The following TLK1 variants were observed in gnomAD, a reference collection of about 807,000 sequenced individuals.
The protein encoded by TLK1 is tousled like kinase 1, also known as serine/threonine-protein kinase tousled-like 1.
A neutral mutation model predicts 105.3 loss-of-function variants in TLK1; 24 were observed. That is an observed-to-expected ratio of 0.23 (90% CI 0.17 to 0.32). The LOEUF (loss-of-function observed/expected upper bound fraction) is 0.32, where lower values mean the gene tolerates loss of function less well. Ranked by LOEUF, TLK1 falls within the 10% of genes least tolerant of loss-of-function variation. The pLI, the probability that TLK1 is intolerant of heterozygous loss-of-function variation, is 1.00. For synonymous variants in TLK1, 321 were observed against 310.4 expected, an observed-to-expected ratio of 1.03 and a Z score of -0.36; for missense variants, 558 against 910.5, an observed-to-expected ratio of 0.61 and a Z score of 4.98.
At chr2:171,112,613 G>A (rs761305298) in intron 2 of TLK1, among the ~76,000 whole-genome samples, 7 of 152,100 alleles carry the variant, frequency 4.6e-5, no homozygotes, top group Non-Finnish European at 7.4e-5. Flanking sequence ...GAAAAAATAT[G>A]TATTTAAGGT....
At chr2:171,083,392 C>T (rs1020500100) in intron 2 of TLK1, among the ~76,000 whole-genome samples, 2 of 152,082 alleles carry the variant, frequency 1.3e-5, no homozygotes, top group Non-Finnish European at 2.9e-5. Flanking sequence ...AATTGCTTTG[C>T]TCAAGAATTT....
chr2:171,046,437 A>G, intron 10 of TLK1, 75 bp from the exon 11 acceptor site: 4 of 1,430,340 alleles, frequency 2.8e-6, no homozygotes, highest in Non-Finnish European at 3.7e-6. Context: ...AAAAATGCAT[A>G]AAAAACATGA....
intron 4 of TLK1, 113 bp downstream of exon 4, chr2:171,060,968 A>T: frequency 9.4e-7 from 1 of 1,064,176 alleles, no homozygotes; most frequent in Non-Finnish European, 1.4e-6. Context: ...CTGTGCACAC[A>T]CCAAAATTTA....
chr2:171,219,299 C>T (rs1395379561), intron 1 of TLK1, among the ~76,000 whole-genome samples: 1 of 152,180 alleles, frequency 6.6e-6, no homozygotes, highest in Non-Finnish European at 1.5e-5. Flanking sequence ...CATTCCTTGG[C>T]TTGTGGCTGC....
chr2:171,228,906 T>G (rs1462575186), intron 1 of TLK1, among the ~76,000 whole-genome samples: 3 of 152,232 alleles, frequency 2.0e-5, no homozygotes, highest in Non-Finnish European at 4.4e-5. Flanking sequence ...TACTCAACTC[T>G]GCCAATTGGC....
chr2:171,218,265 AAAC>A lies in TLK1; in HGVS notation c.-6+12877_-6+12879del, dbSNP rs534220880. Among the ~76,000 whole-genome samples the A allele has an allele frequency of 1.8e-3, 270 of 152,072 alleles. 2 individuals carry two copies. The highest frequency in any genetic ancestry group is 3.7e-3 in the African/African-American group (154 of 41,440). On this transcript the variant is annotated intron_variant, in intron 1 of 20. Coordinates refer to the TLK1 transcript ENST00000521943. ...AGACTCCATCGCATAACAAACAAAC[AAAC>A]AACAACAACAACAACAAATAACAAC...
intron 1 of TLK1, among the ~76,000 whole-genome samples, chr2:171,130,161 T>C (rs553286686): frequency 1.2e-4 from 19 of 152,256 alleles, no homozygotes; most frequent in African/African-American, 4.6e-4. Flanking sequence ...CCCAGCACTT[T>C]GGGAGGCTGA....
intron 3 of TLK1, among the ~76,000 whole-genome samples, chr2:171,077,050 CT>C (rs977334838): frequency 2.0e-5 from 3 of 152,162 alleles, no homozygotes; most frequent in Non-Finnish European, 4.4e-5. Flanking sequence ...TTCAGGTATT[CT>C]AAAAAATTTA....
intron 14 of TLK1, among the ~76,000 whole-genome samples, chr2:171,009,005 TCTACCTTATGGTAAGC>T (rs1258924022): frequency 1.3e-5 from 2 of 152,222 alleles, no homozygotes; most frequent in East Asian, 3.8e-4. Flanking sequence ...GATAATCTTT[TCTACCTTATGGTAAGC>T]CTACTTCACC....
At chr2:171,060,949 A>G (rs1326924404) in intron 4 of TLK1, 132 bp downstream of exon 4, 2 of 784,598 alleles carry the variant, frequency 2.5e-6, no homozygotes, top group East Asian at 5.5e-5. Context: ...ATCATTATAC[A>G]CTAACTACCT....
At chr2:171,169,627 C>A (rs923721053) in intron 1 of TLK1, among the ~76,000 whole-genome samples, 2 of 151,970 alleles carry the variant, frequency 1.3e-5, no homozygotes, top group Non-Finnish European at 2.9e-5. Context: ...AAAATAATGG[C>A]AGATTTTTGT....
intron 1 of TLK1, among the ~76,000 whole-genome samples, chr2:171,153,152 T>C (rs1233325446): frequency 3.9e-5 from 6 of 152,212 alleles, no homozygotes; most frequent in Admixed American, 2.6e-4. Flanking sequence ...TTTTAGGCAA[T>C]ATATCCTAGT....
chr2:171,004,347 T>C (rs1002758983), intron 18 of TLK1, among the ~76,000 whole-genome samples: 2 of 151,952 alleles, frequency 1.3e-5, no homozygotes, highest in African/African-American at 4.8e-5. Context: ...TTCCAATGTA[T>C]TTATCGGAAA....
chr2:171,229,462 T>A (rs142156698), intron 1 of TLK1, among the ~76,000 whole-genome samples: 1 of 152,338 alleles, frequency 6.6e-6, no homozygotes, highest in Non-Finnish European at 1.5e-5. Context: ...TGCCATTTTG[T>A]GTTTAGTTCT....
At chr2:171,031,129 G>A (rs1686024749) in intron 11 of TLK1, among the ~76,000 whole-genome samples, 1 of 151,918 alleles carries the variant, frequency 6.6e-6, no homozygotes, top group African/African-American at 2.4e-5. Flanking sequence ...CCTGGGTCTT[G>A]TCTTGCCAAT....
intron 3 of TLK1, among the ~76,000 whole-genome samples, chr2:171,072,412 G>A (rs755075508): frequency 2.0e-5 from 3 of 152,120 alleles, no homozygotes; most frequent in Non-Finnish European, 4.4e-5. Context: ...TCAGAAGTTC[G>A]ACCAGCCTGG....
At chr2:171,195,272 G>A (rs968264591) in intron 1 of TLK1, among the ~76,000 whole-genome samples, 6 of 152,076 alleles carry the variant, frequency 3.9e-5, no homozygotes, top group African/African-American at 1.4e-4. Context: ...GGAAGGCGGA[G>A]GCGGGCGGAT....
chr2:171,000,376 C>CAAAAA (rs34800888), intron 18 of TLK1, among the ~76,000 whole-genome samples: 1 of 78,378 alleles, frequency 1.3e-5, no homozygotes, highest in Non-Finnish European at 2.5e-5. Context: ...GAAACTCTGT[C>CAAAAA]AAAAAAAAAA....
At chr2:171,082,922 A>C in intron 2 of TLK1, 70 bp from the exon 3 acceptor site, 2 of 1,050,430 alleles carry the variant, frequency 1.9e-6, no homozygotes, top group Non-Finnish European at 2.9e-6. Context: ...AATTTTAAAC[A>C]AACATATTAC....
Sources: allele counts gnomAD v4.1 joint callset (sites outside exome capture counted in the v4.1 genomes callset), GRCh38; gene constraint gnomAD v4.1.1; transcripts MANE v1.5; gene names NCBI Gene and HGNC (gene_info 2026-07-23, HGNC 2026-07-21).